Variants in BRINP3 observed in about 807,000 individuals in gnomAD.
BRINP3 encodes the protein BMP/retinoic acid-inducible neural-specific protein 3.
A neutral mutation model predicts 71.0 loss-of-function variants in BRINP3; 19 were observed. That is an observed-to-expected ratio of 0.27 (90% CI 0.19 to 0.39). BRINP3 has a LOEUF of 0.39. Ranked by LOEUF, BRINP3 falls within the 10% of genes least tolerant of loss-of-function variation. The pLI, the probability that BRINP3 is intolerant of heterozygous loss-of-function variation, is 1.00. For missense variants in BRINP3, 959 were observed against 940.8 expected, an observed-to-expected ratio of 1.02 and a Z score of -0.25; for synonymous variants, 380 against 337.7, an observed-to-expected ratio of 1.13 and a Z score of -1.37.
chr1:190,369,876 C>A (rs542583933), intron 2 of BRINP3, among the ~76,000 whole-genome samples: 1 of 151,810 alleles, frequency 6.6e-6, no homozygotes, highest in East Asian at 1.9e-4. Flanking sequence ...TAATTAATAG[C>A]CACTAATTAT....
At chr1:190,242,745 G>A (rs1659228911) in intron 4 of BRINP3, among the ~76,000 whole-genome samples, 1 of 151,986 alleles carries the variant, frequency 6.6e-6, no homozygotes, top group Non-Finnish European at 1.5e-5. Context: ...ACAATATCAT[G>A]TATATCCATA....
At chr1:190,223,533 T>C (rs556119314) in intron 6 of BRINP3, among the ~76,000 whole-genome samples, 1 of 152,036 alleles carries the variant, frequency 6.6e-6, no homozygotes, top group Non-Finnish European at 1.5e-5. Context: ...AGGCCATGTA[T>C]GACAAACCCA....
Position 190,160,777 on chromosome 1 carries a change from C to T in BRINP3, c.1075G>A (p.Glu359Lys), listed in dbSNP as rs1334934197. 2 of 1,613,602 alleles carry T rather than the reference C, an allele frequency of 1.2e-6. No individual in the cohort carries two copies. The highest frequency in any genetic ancestry group is 1.7e-6 in the Non-Finnish European group (2 of 1,179,708). The change falls in exon 7 of 8, where the codon GAG (glutamate) becomes AAG (lysine). Residue 359 changes from glutamate (E) to lysine (K), a missense_variant. Coordinates refer to ENST00000367462, the MANE Select transcript of BRINP3 (RefSeq NM_199051.3). Reference protein sequence around the residue: ...SNFQRRYEQLENSMKQLFLKA... With the variant: ...SNFQRRYEQLKNSMKQLFLKA... ...AGGAAAAGTTGTTTCATGCTGTTCT[C>T]CAGTTGTTCATAACGGCGCTGAAAA...
At chr1:190,443,620 T>A (rs1382581599) in intron 2 of BRINP3, among the ~76,000 whole-genome samples, 1 of 152,136 alleles carries the variant, frequency 6.6e-6, no homozygotes, top group Admixed American at 6.5e-5. Context: ...TCACAGACTC[T>A]GCATTCCCAG....
At chr1:190,232,126 T>C (rs1658052406) in intron 5 of BRINP3, among the ~76,000 whole-genome samples, 1 of 151,986 alleles carries the variant, frequency 6.6e-6, no homozygotes, top group African/African-American at 2.4e-5. Context: ...TCTATTTATC[T>C]ATCATCTATA....
chr1:190,138,867 T>A (rs1490932670), intron 7 of BRINP3, among the ~76,000 whole-genome samples: 1 of 152,090 alleles, frequency 6.6e-6, no homozygotes, highest in African/African-American at 2.4e-5. Context: ...TTTGTCTCCT[T>A]CAGAGCCTGA....
At chr1:190,311,979 T>A (rs1665553890) in intron 2 of BRINP3, among the ~76,000 whole-genome samples, 1 of 143,738 alleles carries the variant, frequency 7.0e-6, no homozygotes, top group Admixed American at 7.1e-5. Context: ...TTAGACAAAA[T>A]ATTTAAACTC....
chr1:190,422,976 A>T (rs1351919643), intron 2 of BRINP3, among the ~76,000 whole-genome samples: 1 of 151,790 alleles, frequency 6.6e-6, no homozygotes, highest in Non-Finnish European at 1.5e-5. Context: ...AGTTTTTCTC[A>T]TCTGATTTTT....
At chr1:190,404,328 G>T (rs1289168444) in intron 2 of BRINP3, among the ~76,000 whole-genome samples, 4 of 152,044 alleles carry the variant, frequency 2.6e-5, no homozygotes, top group African/African-American at 2.4e-5. Context: ...GGGATGCAGG[G>T]CTGATATGCA....
At position 190,097,946 on chromosome 1, in the gene BRINP3, C is replaced by G; in HGVS notation, c.*72G>C. On this transcript the variant is annotated 3_prime_UTR_variant, in exon 8 of 8. Transcript: ENST00000367462. ...AAAAGACAATTTAAATTTACTCTTCCAAACATAAACTGTTCCACAAAAGCA... is the reference window on the plus strand; with the variant it reads ...AAAAGACAATTTAAATTTACTCTTCGAAACATAAACTGTTCCACAAAAGCA... 5 of 1,453,570 alleles carry G rather than the reference C, an allele frequency of 3.4e-6. No homozygotes were observed. The highest frequency in any genetic ancestry group is 2.3e-5 in the East Asian group (1 of 43,812). 90.0% of individuals were successfully genotyped at this position (1,453,570 alleles called of 1,614,324 possible).
At chr1:190,174,694 T>C (rs567156987) in intron 6 of BRINP3, among the ~76,000 whole-genome samples, 4 of 152,224 alleles carry the variant, frequency 2.6e-5, no homozygotes, top group African/African-American at 9.6e-5. Flanking sequence ...AAAAAGGAAT[T>C]TGTGATATTC....
chr1:190,396,766 C>T (rs1038821636), intron 2 of BRINP3, among the ~76,000 whole-genome samples: 19 of 124,262 alleles, frequency 1.5e-4, no homozygotes, highest in African/African-American at 5.8e-4. Flanking sequence ...TATATTATTA[C>T]TAACTGATCA....
intron 7 of BRINP3, among the ~76,000 whole-genome samples, chr1:190,120,133 A>C (rs1397580287): frequency 1.3e-5 from 2 of 151,966 alleles, no homozygotes; most frequent in East Asian, 3.9e-4. Context: ...CATATTTGAA[A>C]AAATCCAAAG....
intron 7 of BRINP3, among the ~76,000 whole-genome samples, chr1:190,133,860 G>A (rs1435927733): frequency 1.3e-5 from 2 of 151,980 alleles, no homozygotes; most frequent in Non-Finnish European, 1.5e-5. Context: ...CAGGGTCCTG[G>A]CCTAGAAAGA....
chr1:190,369,248 G>A (rs1443821789), intron 2 of BRINP3, among the ~76,000 whole-genome samples: 11 of 151,978 alleles, frequency 7.2e-5, no homozygotes, highest in African/African-American at 9.7e-5. Flanking sequence ...ATTTCAGTGC[G>A]AATAGGTAAT....
chr1:190,198,871 A>T (rs1654736015), intron 6 of BRINP3, among the ~76,000 whole-genome samples: 1 of 152,098 alleles, frequency 6.6e-6, no homozygotes, highest in Admixed American at 6.5e-5. Context: ...TTCCAAAGTC[A>T]CTTCCACATT....
intron 6 of BRINP3, among the ~76,000 whole-genome samples, chr1:190,220,646 A>T (rs887525762): frequency 7.2e-5 from 11 of 152,162 alleles, no homozygotes; most frequent in Admixed American, 5.9e-4. Flanking sequence ...AGATAAAAAA[A>T]ATTGCAACTC....
intron 2 of BRINP3, among the ~76,000 whole-genome samples, chr1:190,441,118 A>G (rs2102556786): frequency 6.6e-6 from 1 of 152,074 alleles, no homozygotes; most frequent in Non-Finnish European, 1.5e-5. Flanking sequence ...ACTTGGTCAA[A>G]TATAATCTCC....
chr1:190,228,251 T>G (rs1157622533), intron 5 of BRINP3, among the ~76,000 whole-genome samples: 1 of 151,776 alleles, frequency 6.6e-6, no homozygotes, highest in African/African-American at 2.4e-5. Flanking sequence ...CTAAAAACAA[T>G]TTGAATAATT....
Sources: allele counts gnomAD v4.1 joint callset (sites outside exome capture counted in the v4.1 genomes callset), GRCh38; gene constraint gnomAD v4.1.1; transcripts MANE v1.5; gene names NCBI Gene and HGNC (gene_info 2026-07-23, HGNC 2026-07-21).